The following LTBP2 variants were observed in gnomAD, a reference collection of about 807,000 sequenced individuals.
LTBP2 encodes latent-transforming growth factor beta-binding protein 2.
In LTBP2, 103 loss-of-function variants were observed where a neutral mutation model predicts 210.6. The ratio of observed to expected loss-of-function variants is 0.49; its 90% CI spans 0.42 to 0.58. The LOEUF (loss-of-function observed/expected upper bound fraction) is 0.58, where lower values mean the gene tolerates loss of function less well. LTBP2 is among the 20% of genes least tolerant of loss of function. The pLI is 0.00. For missense variants in LTBP2, 2,313 were observed against 2,494.5 expected (o/e 0.93, Z 1.55); for synonymous variants, 1,007 against 1,015.0 (o/e 0.99, Z 0.15).
Position 74,525,697 on chromosome 14 carries a change from C to T in LTBP2, c.2428+378G>A, listed in dbSNP as rs542747718. ...AGCTCAGCCTTCCAATGTCTGAACC[C>T]AACACCAGTGACAGGCAAGTAGTGG... On this transcript the variant is annotated intron_variant, in intron 14 of 35. Transcript: ENST00000261978. 2.6e-5 allele frequency among the ~76,000 whole-genome samples: 4 copies of T among 152,314 alleles called. No individual in the cohort carries two copies. The South Asian group carries it at 8.3e-4, about 32-fold the overall frequency.
intron 2 of LTBP2, among the ~76,000 whole-genome samples, chr14:74,597,823 C>A (rs1288412589): frequency 1.3e-5 from 2 of 152,202 alleles, no homozygotes; most frequent in African/African-American, 2.4e-5. Context: ...TCAGAGTCCC[C>A]ACTGGCTGGT....
intron 3 of LTBP2, among the ~76,000 whole-genome samples, chr14:74,568,743 T>C (rs1352704402): frequency 2.6e-5 from 4 of 152,144 alleles, no homozygotes; most frequent in Non-Finnish European, 5.9e-5. Context: ...AGTCAATGAC[T>C]AGGAATCAAA....
chr14:74,526,183 C>T lies in LTBP2; in HGVS notation c.2389-69G>A. The T allele has an allele frequency of 2.0e-6, 3 of 1,464,028 alleles. No homozygotes were observed. The South Asian group carries it at 3.6e-5, about 18-fold the overall frequency. 90.7% of individuals were successfully genotyped at this position (1,464,028 alleles called of 1,614,324 possible). ...ACCTGTGATGTGCCACCTTCCACCA[C>T]ACTGACCCCCACCTCCGGGCTTCCT... is the stretch of plus-strand genomic sequence containing the variant. On this transcript the variant is annotated intron_variant, in intron 13 of 35. Transcript: ENST00000261978.
Position 74,611,378 on chromosome 14 carries a change from C to A in LTBP2, c.494+73G>T, listed in dbSNP as rs147260426. The A allele has an allele frequency of 1.4e-3, 1,948 of 1,395,492 alleles. 9 individuals are homozygous for A. Among genetic ancestry groups the A allele is most frequent in the South Asian group, 4.2e-3 (244 of 58,012 alleles). The allele number at this position is 1,395,492 out of a possible 1,614,324, so 86.4% of individuals were successfully genotyped here. A position where few individuals can be genotyped will look rare whatever the true frequency, so the allele number is the denominator to read the frequency against. On this transcript the variant is annotated intron_variant, in intron 1 of 35. Coordinates refer to ENST00000261978, the MANE Select transcript of LTBP2 (RefSeq NM_000428.3). Reference sequence around the variant, plus strand: ...GTATGAGAGCGGCGCCCTCTCCTCTCGCCTGCACGCCCCTCCACAAATGAG... The same window carrying A: ...GTATGAGAGCGGCGCCCTCTCCTCTAGCCTGCACGCCCCTCCACAAATGAG...
In LTBP2 at chr14:74,510,204, T is replaced by C. The variant is rs759896182; in HGVS notation, c.3038A>G (p.Glu1013Gly). The C allele has an allele frequency of 7.4e-6, 12 of 1,613,618 alleles. No individual in the cohort carries two copies. Among genetic ancestry groups the C allele is most frequent in the Non-Finnish European group, 8.5e-6 (10 of 1,179,986 alleles). Residue 1013 changes from glutamate to glycine, a missense_variant, in exon 20 of 36, where the codon GAG (glutamate) becomes GGG (glycine). By Grantham distance (98) the Glu-to-Gly change is moderately conservative. Around this residue, in one of 3 missense-constraint regions of LTBP2, gnomAD observed 1,867 missense variants for 1,976.9 expected, o/e 0.94. Transcript: ENST00000261978. ...GGCACAGACCCCGGGAGTCAGACAC[T>C]CATTCACATCTGTGGGAGAGAAGTC... ...GQSGSCVDVNECLTPGVCAHG... is the reference protein window; with the variant it reads ...GQSGSCVDVNGCLTPGVCAHG...
chr14:74,514,582 G>T (rs1216483152), intron 18 of LTBP2, among the ~76,000 whole-genome samples: 1 of 152,144 alleles, frequency 6.6e-6, no homozygotes, highest in Non-Finnish European at 1.5e-5. Context: ...AGGCACTCAG[G>T]CAGGGGCCAG....
chr14:74,564,345 TTA>T (rs1483904765), intron 3 of LTBP2, among the ~76,000 whole-genome samples: 1 of 5,514 alleles, frequency 1.8e-4, no homozygotes, highest in Non-Finnish European at 2.7e-4. Flanking sequence ...ATATATATAT[TTA>T]TATATATTTA....
chr14:74,580,098 A>C (rs1370559216), intron 3 of LTBP2, among the ~76,000 whole-genome samples: 1 of 152,212 alleles, frequency 6.6e-6, no homozygotes, highest in Non-Finnish European at 1.5e-5. Context: ...TAAAATACCT[A>C]AGACGTTAGT....
At chr14:74,564,163 TTA>T (rs60683357) in intron 3 of LTBP2, among the ~76,000 whole-genome samples, 17 of 10,808 alleles carry the variant, frequency 1.6e-3, no homozygotes, top group Admixed American at 3.2e-3. Flanking sequence ...ATATATATAT[TTA>T]TATATATATT....
chr14:74,589,324 G>C (rs1482598538), intron 2 of LTBP2, among the ~76,000 whole-genome samples: 2 of 152,204 alleles, frequency 1.3e-5, no homozygotes, highest in Non-Finnish European at 2.9e-5. Context: ...AGTAGGGAAA[G>C]TCAGGGAAGG....
intron 16 of LTBP2, among the ~76,000 whole-genome samples, chr14:74,522,313 T>G (rs1448586695): frequency 6.6e-6 from 1 of 152,126 alleles, no homozygotes; most frequent in East Asian, 1.9e-4. Context: ...GATTCCTTTC[T>G]CCTTTGAAAC....
intron 3 of LTBP2, among the ~76,000 whole-genome samples, chr14:74,568,199 G>C (rs1003193034): frequency 6.6e-6 from 1 of 152,146 alleles, no homozygotes; most frequent in African/African-American, 2.4e-5. Context: ...TTGGCCCCAG[G>C]GTTCATCTCC....
rs903674046 is a variant in LTBP2 at position 74,593,854 on chromosome 14, G to A, written c.566-7736C>T. Reference sequence around the variant, plus strand: ...TTCTTGGCTATGACCCTTTCCCCAGGAAAGGGCAATGTCAACTCAGGCCCT... The same window carrying A: ...TTCTTGGCTATGACCCTTTCCCCAGAAAAGGGCAATGTCAACTCAGGCCCT... On this transcript the variant is annotated intron_variant, in intron 2 of 35. Transcript: ENST00000261978. 2.6e-5 allele frequency among the ~76,000 whole-genome samples: 4 copies of A among 152,018 alleles called. No homozygotes were observed. The East Asian group carries it at 7.7e-4, about 29-fold the overall frequency.
At position 74,508,263 on chromosome 14, in the gene LTBP2, G is replaced by GGGGGTGA. The variant is rs559462541; in HGVS notation, c.3653-175_3653-169dup. Among the ~76,000 whole-genome samples the GGGGGTGA allele has an allele frequency of 0.014, 2,105 of 152,166 alleles. 42 individuals are homozygous for GGGGGTGA. Among genetic ancestry groups the GGGGGTGA allele is most frequent in the African/African-American group, 0.049 (2,029 of 41,430 alleles). ...GGCTGTGGGAGGTGGGCACCGGGGTGGGGGTGAGGGGTGAGGTGGGGTCCC... is the reference window on the plus strand; with the variant it reads ...GGCTGTGGGAGGTGGGCACCGGGGTGGGGGTGAGGGGTGAGGGGTGAGGTGGGGTCCC... On this transcript the variant is annotated intron_variant, in intron 24 of 35. Transcript: ENST00000261978.
chr14:74,575,909 C>A (rs2088051851), intron 3 of LTBP2, among the ~76,000 whole-genome samples: 1 of 152,328 alleles, frequency 6.6e-6, no homozygotes, highest in East Asian at 1.9e-4. Flanking sequence ...TTCCTAACCC[C>A]TCTGAGCCCT....
intron 17 of LTBP2, among the ~76,000 whole-genome samples, chr14:74,519,175 C>T (rs1246449345): frequency 6.6e-6 from 1 of 152,158 alleles, no homozygotes; most frequent in Non-Finnish European, 1.5e-5. Context: ...GCCCCCAAAA[C>T]ACACAAAAAT....
chr14:74,611,451 C>T lies in LTBP2; in HGVS notation c.494G>A (p.Gly165Glu). 1 of 1,489,952 alleles carries T rather than the reference C, an allele frequency of 6.7e-7. No homozygotes were observed. Among genetic ancestry groups the T allele is most frequent in the Non-Finnish European group, 8.8e-7 (1 of 1,132,036 alleles). The allele number at this position is 1,489,952 out of a possible 1,614,324, so 92.3% of individuals were successfully genotyped here. Residue 165 changes from glycine to glutamate, a missense_variant and splice_region_variant, in exon 1 of 36, where the codon GGG (glycine) becomes GAG (glutamate). By Grantham distance (98) the Gly-to-Glu change is moderately conservative. Coordinates refer to ENST00000261978, the MANE Select transcript of LTBP2 (RefSeq NM_000428.3). ...PPTPPRGRLT[G>E]RNVCGGQCCP... The stretch of plus-strand genomic sequence containing the variant: ...CCAAACTTCCCTCTCCCATGCTCAC[C>T]CCGTGAGCCGCCCTCGCGGCGGGGT...
intron 3 of LTBP2, among the ~76,000 whole-genome samples, chr14:74,558,093 T>C (rs1465085958): frequency 1.3e-5 from 2 of 152,308 alleles, no homozygotes; most frequent in Non-Finnish European, 1.5e-5. Flanking sequence ...CCTTATGCTT[T>C]CCTGGCAGAA....
At position 74,502,695 on chromosome 14, in the gene LTBP2, G is replaced by A. The variant is rs752650009; in HGVS notation, c.5128C>T (p.Gln1710Ter). 6.2e-7 allele frequency: 1 copy of A among 1,614,216 alleles called. No individual in the cohort carries two copies. Among genetic ancestry groups the A allele is most frequent in the Non-Finnish European group, 8.5e-7 (1 of 1,180,042 alleles). ...TAGTGGGGCTGGAGTTCTGAGGGCT[G>A]CAAAGGAGACTCAAGGATGGGTGTG... ...DRTPILESPL[Q>*]PSELQPHYVA... The change falls in exon 34 of 36, where the codon CAG becomes TAG. Residue 1710 changes from glutamine to a stop codon, truncating the protein, a stop_gained. Coordinates refer to ENST00000261978, the MANE Select transcript of LTBP2 (RefSeq NM_000428.3). LOFTEE classifies it high-confidence loss of function.
Sources: gnomAD v4.1 joint callset for allele counts (sites outside exome capture counted in the v4.1 genomes callset) on GRCh38, gnomAD v4.1.1 for gene constraint, gnomAD v4.1.1 regional missense constraint, MANE v1.5 for transcripts, NCBI Gene and HGNC (gene_info 2026-07-23, HGNC 2026-07-21) for gene names.